The following PRRT1 variants were observed in gnomAD, a reference collection of about 807,000 sequenced individuals.
PRRT1 encodes proline-rich transmembrane protein 1.
Under a neutral mutation model 22.6 loss-of-function variants are expected in PRRT1, and 8 were observed. That is an observed-to-expected ratio of 0.35 (90% CI 0.21 to 0.64). The LOEUF is 0.64. Ranked by LOEUF, PRRT1 falls within the 30% of genes least tolerant of loss-of-function variation. The pLI is 0.69. For missense variants in PRRT1, 315 were observed against 444.5 expected, an observed-to-expected ratio of 0.71 and a Z score of 2.62; for synonymous variants, 176 against 203.6, an observed-to-expected ratio of 0.86 and a Z score of 1.15.
chr6:32,149,394 C>A lies in PRRT1; in HGVS notation c.749G>T (p.Arg250Leu). The change falls in exon 4 of 4, where the codon CGC (arginine) becomes CTC (leucine). Residue 250 changes from arginine to leucine, a missense_variant. Coordinates refer to ENST00000211413, the MANE Select transcript of PRRT1 (RefSeq NM_030651.4). This position sits in a 1 kb window ranked among gnomAD's most constrained non-coding sequence, Gnocchi z 8.7. ...CATGTCTCCGCGGGCCAAGGCCGTG[C>A]GCACCTACGGAGGAGGGGTGGGGGA... Reference protein sequence around the residue: ...IIAIFKAVQVRTALARGDMVS... With the variant: ...IIAIFKAVQVLTALARGDMVS... 1 of 1,597,956 alleles carries A rather than the reference C, an allele frequency of 6.3e-7. No homozygotes were observed. Among genetic ancestry groups the A allele is most frequent in the Non-Finnish European group, 8.6e-7 (1 of 1,168,988 alleles).
chr6:32,149,006 C>T lies in PRRT1; in HGVS notation c.*216G>A, dbSNP rs1295141118. The stretch of plus-strand genomic sequence containing the variant: ...GTTTGGCCGGGATCCCGGAAAGCGG[C>T]GTCCCTGGGGGTGTGGGTTTTGGAG... On this transcript the variant is annotated 3_prime_UTR_variant, in exon 4 of 4. Transcript: ENST00000211413. The surrounding 1 kb of genome is among the most constrained non-coding windows in gnomAD (Gnocchi z 8.7). 2 of 711,384 alleles carry T rather than the reference C, an allele frequency of 2.8e-6. No individual in the cohort carries two copies. The highest frequency in any genetic ancestry group is 5.4e-5 in the East Asian group (2 of 37,216). The allele number at this position is 711,384 out of a possible 1,614,324, so 44.1% of individuals were successfully genotyped here.
rs894117038 is a variant in PRRT1 at position 32,148,947 on chromosome 6, G to C, written c.*275C>G. 1.7e-5 allele frequency: 12 copies of C among 686,810 alleles called. No individual in the cohort carries two copies. Among genetic ancestry groups the C allele is most frequent in the Non-Finnish European group, 2.7e-5 (10 of 375,108 alleles). 42.5% of individuals were successfully genotyped at this position (686,810 alleles called of 1,614,324 possible). On this transcript the variant is annotated 3_prime_UTR_variant, in exon 4 of 4. Coordinates refer to ENST00000211413, the MANE Select transcript of PRRT1 (RefSeq NM_030651.4). This position sits in a 1 kb window ranked among gnomAD's most constrained non-coding sequence, Gnocchi z 5.7. ...CTCGGTTGGGGGCGCTACACTTTGA[G>C]GGTGAGGGGGCCTGGAGCGACTGAG...
upstream of PRRT1, chr6:32,152,155 G>A: frequency 1.5e-6 from 1 of 673,014 alleles, no homozygotes; most frequent in South Asian, 1.5e-5. Flanking sequence ...ACGGAGGCTA[G>A]ACCAGGCGAG....
chr6:32,148,980 C>A lies in PRRT1; in HGVS notation c.*242G>T, dbSNP rs759190609. 8.2e-5 allele frequency: 57 copies of A among 699,068 alleles called. No individual in the cohort carries two copies. In the South Asian group the frequency reaches 8.2e-4, roughly 10 times the overall value. The allele number at this position is 699,068 out of a possible 1,614,324, so 43.3% of individuals were successfully genotyped here. A position where few individuals can be genotyped will look rare whatever the true frequency, so the allele number is the denominator to read the frequency against. On this transcript the variant is annotated 3_prime_UTR_variant, in exon 4 of 4. Transcript: ENST00000211413. The surrounding 1 kb of genome is among the most constrained non-coding windows in gnomAD (Gnocchi z 5.7). ...GGGCCTGGAGCGACTGAGGGTCCGG[C>A]GTTTGGCCGGGATCCCGGAAAGCGG...
chr6:32,149,644 G>C lies in PRRT1; in HGVS notation c.637C>G (p.Leu213Val). 1 of 1,612,844 alleles carries C rather than the reference G, an allele frequency of 6.2e-7. No homozygotes were observed. The highest frequency in any genetic ancestry group is 8.5e-7 in the Non-Finnish European group (1 of 1,179,952). Residue 213 changes from leucine (L) to valine (V), a missense_variant, in exon 3 of 4, where the codon CTA becomes GTA. Physicochemically the swap from Leu to Val is conservative, Grantham distance 32 (BLOSUM62 1). Around this residue, in one of 4 missense-constraint regions of PRRT1, gnomAD observed 263 missense variants for 328.5 expected, o/e 0.80. Coordinates refer to ENST00000211413, the MANE Select transcript of PRRT1 (RefSeq NM_030651.4). This position sits in a 1 kb window ranked among gnomAD's most constrained non-coding sequence, Gnocchi z 8.7. ...PPPPQGPGLA[L>V]LEPRRPPHDY... The stretch of plus-strand genomic sequence containing the variant: ...TGTGGCGGGCGCCTCGGCTCCAGTA[G>C]GGCCAGCCCTGGGCCCTGGGGCGGC...
In PRRT1 at chr6:32,151,875, C is replaced by T; in HGVS notation, c.-48G>A. 6.9e-6 allele frequency: 11 copies of T among 1,589,480 alleles called. No individual in the cohort carries two copies. The highest frequency in any genetic ancestry group is 9.5e-6 in the Non-Finnish European group (11 of 1,163,416). ...GGTCCCTGCAGCCGGAGTGGGGGTCCTCGGCCGGTGCTGGAGTCTGGGTGC... is the reference window on the plus strand; with the variant it reads ...GGTCCCTGCAGCCGGAGTGGGGGTCTTCGGCCGGTGCTGGAGTCTGGGTGC... On this transcript the variant is annotated 5_prime_UTR_variant, in exon 1 of 4. Transcript: ENST00000211413.
chr6:32,150,840 G>T lies in PRRT1; in HGVS notation c.86C>A (p.Pro29His), dbSNP rs764804051. ...GGCTGCCTGTGGCGGTGGGGCTGGG[G>T]GTTCGGCTGGAGGCTGAGGGGCATT... Reference protein sequence around the residue: ...PYNAPQPPAEPPAPPPQAAPS... With the variant: ...PYNAPQPPAEHPAPPPQAAPS... Residue 29 changes from proline to histidine, a missense_variant, in exon 2 of 4, where the codon CCC (proline) becomes CAC (histidine). Around this residue, in one of 4 missense-constraint regions of PRRT1, gnomAD observed 263 missense variants for 328.5 expected, o/e 0.80. Transcript: ENST00000211413. This position sits in a 1 kb window ranked among gnomAD's most constrained non-coding sequence, Gnocchi z 7.2. 19 of 1,579,832 alleles carry T rather than the reference G, an allele frequency of 1.2e-5. No individual in the cohort carries two copies. Among genetic ancestry groups the T allele is most frequent in the Non-Finnish European group, 1.5e-5 (17 of 1,164,362 alleles).
chr6:32,151,002 G>T, intron 1 of PRRT1, 96 bp from the exon 2 acceptor site: 1 of 992,450 alleles, frequency 1.0e-6, no homozygotes, highest in Non-Finnish European at 1.5e-6. Context: ...CAGGGATGGA[G>T]AAAGATAATG....
intron 1 of PRRT1, 91 bp downstream of exon 1, chr6:32,151,718 G>T: frequency 1.3e-6 from 1 of 748,628 alleles, no homozygotes; most frequent in Non-Finnish European, 2.3e-6. Context: ...TAGAACCACA[G>T]CTGAGGAGGG....
chr6:32,149,425 G>T lies in PRRT1; in HGVS notation c.745-27C>A. On this transcript the variant is annotated intron_variant, in intron 3 of 3. Coordinates refer to ENST00000211413, the MANE Select transcript of PRRT1 (RefSeq NM_030651.4). The surrounding 1 kb of genome is among the most constrained non-coding windows in gnomAD (Gnocchi z 8.7). ...TACGGAGGAGGGGTGGGGGAAGGAGGTCAAAGAGCTGCGGCCTCGTTCGAA... is the reference window on the plus strand; with the variant it reads ...TACGGAGGAGGGGTGGGGGAAGGAGTTCAAAGAGCTGCGGCCTCGTTCGAA... The T allele has an allele frequency of 1.3e-6, 2 of 1,594,790 alleles. No homozygotes were observed. Among genetic ancestry groups the T allele is most frequent in the South Asian group, 1.1e-5 (1 of 89,404 alleles).
chr6:32,150,422 G>A lies in PRRT1; in HGVS notation c.504C>T (p.Tyr168=). The A allele has an allele frequency of 6.5e-7, 1 of 1,530,188 alleles. No homozygotes were observed. Among genetic ancestry groups the A allele is most frequent in the Non-Finnish European group, 8.7e-7 (1 of 1,147,804 alleles). The allele number at this position is 1,530,188 out of a possible 1,614,324, so 94.8% of individuals were successfully genotyped here. Residue 168 remains tyrosine, a synonymous_variant, in exon 2 of 4, where the codon TAC becomes TAT. Transcript: ENST00000211413. This position sits in a 1 kb window ranked among gnomAD's most constrained non-coding sequence, Gnocchi z 7.2. ...LPLGGYVAPG[Y]PLQLQPCTAY... ...CAGTGCAAGGCTGCAGCTGCAGGGG[G>A]TATCCGGGCGCTACGTAGCCCCCCA...
chr6:32,150,463 CAG>C lies in PRRT1; in HGVS notation c.461_462del (p.Thr154SerfsTer323). On this transcript the variant is annotated frameshift_variant, in exon 2 of 4. Coordinates refer to ENST00000211413, the MANE Select transcript of PRRT1 (RefSeq NM_030651.4). LOFTEE classifies it high-confidence loss of function. This position sits in a 1 kb window ranked among gnomAD's most constrained non-coding sequence, Gnocchi z 7.2. ...TAGCCCCCCAGCGGCAGCGTGCCCA[CAG>C]TCCCCGCGTGCGTGGGCACCACGAA... ...PGFVVPTHAG[T>X]VGTLPLGGYV... The C allele has an allele frequency of 6.6e-7, 1 of 1,514,814 alleles. No individual in the cohort carries two copies. The highest frequency in any genetic ancestry group is 8.8e-7 in the Non-Finnish European group (1 of 1,138,080). 93.8% of individuals were successfully genotyped at this position (1,514,814 alleles called of 1,614,324 possible).
In PRRT1 at chr6:32,151,844, G is replaced by T; in HGVS notation, c.-17C>A. 1 of 1,610,248 alleles carries T rather than the reference G, an allele frequency of 6.2e-7. No individual in the cohort carries two copies. The highest frequency in any genetic ancestry group is 8.5e-7 in the Non-Finnish European group (1 of 1,178,962). On this transcript the variant is annotated 5_prime_UTR_variant, in exon 1 of 4. Coordinates refer to ENST00000211413, the MANE Select transcript of PRRT1 (RefSeq NM_030651.4). ...GGATGACATGCCTGCGGTCTCGCTG[G>T]GACAGGGTCCCTGCAGCCGGAGTGG...
chr6:32,150,308 A>G lies in PRRT1; in HGVS notation c.558+60T>C, dbSNP rs114334832. ...TCCTACCAGCCCCCAGCGTATCCCCAATTTCAAGTCCTGTATCGCGTCCCC... is the reference window on the plus strand; with the variant it reads ...TCCTACCAGCCCCCAGCGTATCCCCGATTTCAAGTCCTGTATCGCGTCCCC... On this transcript the variant is annotated intron_variant, in intron 2 of 3. Coordinates refer to ENST00000211413, the MANE Select transcript of PRRT1 (RefSeq NM_030651.4). This position sits in a 1 kb window ranked among gnomAD's most constrained non-coding sequence, Gnocchi z 7.2. The G allele has an allele frequency of 9.0e-3, 13,711 of 1,522,892 alleles. 74 individuals are homozygous for G. Among genetic ancestry groups the G allele is most frequent in the Non-Finnish European group, 0.01 (11,726 of 1,147,322 alleles). The allele number at this position is 1,522,892 out of a possible 1,614,324, so 94.3% of individuals were successfully genotyped here.
In PRRT1 at chr6:32,150,329, T is replaced by C. The variant is rs1224011824; in HGVS notation, c.558+39A>G. 2 of 1,541,922 alleles carry C rather than the reference T, an allele frequency of 1.3e-6. No individual in the cohort carries two copies. Among genetic ancestry groups the C allele is most frequent in the East Asian group, 2.6e-5 (1 of 37,964 alleles). ...CCCCAATTTCAAGTCCTGTATCGCG[T>C]CCCCCTCTTTCCCATGTCCCTGTCT... On this transcript the variant is annotated intron_variant, in intron 2 of 3. Coordinates refer to ENST00000211413, the MANE Select transcript of PRRT1 (RefSeq NM_030651.4). The surrounding 1 kb of genome is among the most constrained non-coding windows in gnomAD (Gnocchi z 7.2).
upstream of PRRT1, chr6:32,153,072 A>G (rs1379165113): frequency 5.3e-6 from 1 of 190,078 alleles, no homozygotes; most frequent in African/African-American, 2.4e-5. The surrounding 1 kb of genome is among the most constrained non-coding windows in gnomAD (Gnocchi z 4.4). Flanking sequence ...CCCAGGCTCC[A>G]CAGAGTCAGA....
Position 32,150,334 on chromosome 6 carries a change from C to CTCTTTCCCA in PRRT1, c.558+25_558+33dup. 6.5e-7 allele frequency: 1 copy of CTCTTTCCCA among 1,548,004 alleles called. No individual in the cohort carries two copies. On this transcript the variant is annotated intron_variant, in intron 2 of 3. Transcript: ENST00000211413. This position sits in a 1 kb window ranked among gnomAD's most constrained non-coding sequence, Gnocchi z 7.2. ...ATTTCAAGTCCTGTATCGCGTCCCC[C>CTCTTTCCCA]TCTTTCCCATGTCCCTGTCTGCCCG... is the stretch of plus-strand genomic sequence containing the variant.
At position 32,148,687 on chromosome 6, in the gene PRRT1, C is replaced by G. The variant is rs1461561617; in HGVS notation, c.*535G>C. The G allele has an allele frequency of 2.5e-6, 1 of 405,986 alleles. No homozygotes were observed. Among genetic ancestry groups the G allele is most frequent in the East Asian group, 7.3e-5 (1 of 13,718 alleles). 25.1% of individuals were successfully genotyped at this position (405,986 alleles called of 1,614,324 possible). A position where few individuals can be genotyped will look rare whatever the true frequency, so the allele number is the denominator to read the frequency against. On this transcript the variant is annotated 3_prime_UTR_variant, in exon 4 of 4. Transcript: ENST00000211413. This position sits in a 1 kb window ranked among gnomAD's most constrained non-coding sequence, Gnocchi z 5.7. ...TGGAGGAGGGACAAAAATGTACTTG[C>G]AAAAAACAGGAGTGTGGGGGCCTTA...
chr6:32,149,565 C>T lies in PRRT1; in HGVS notation c.716G>A (p.Gly239Asp). 2 of 1,613,088 alleles carry T rather than the reference C, an allele frequency of 1.2e-6. No homozygotes were observed. Among genetic ancestry groups the T allele is most frequent in the African/African-American group, 1.3e-5 (1 of 75,066 alleles). ...LTTICCFWPT[G>D]IIAIFKAVQV... ...CACGGCCTTGAAGATGGCAATGATG[C>T]CAGTAGGCCAGAAGCAACAGATGGT... Residue 239 changes from glycine to aspartate, a missense_variant, in exon 3 of 4, where the codon GGC (glycine) becomes GAC (aspartate). Coordinates refer to ENST00000211413, the MANE Select transcript of PRRT1 (RefSeq NM_030651.4). The surrounding 1 kb of genome is among the most constrained non-coding windows in gnomAD (Gnocchi z 8.7).
Sources: allele counts gnomAD v4.1 joint callset, GRCh38; gene constraint gnomAD v4.1.1; regional missense constraint gnomAD v4.1.1; non-coding constraint Gnocchi (gnomAD v3.1); transcripts MANE v1.5; gene names NCBI Gene and HGNC (gene_info 2026-07-23, HGNC 2026-07-21).